The following COL19A1 variants were observed in gnomAD, a reference collection of about 807,000 sequenced individuals.
The protein encoded by COL19A1 is collagen alpha-1(XIX) chain.
A neutral mutation model predicts 190.2 loss-of-function variants in COL19A1; 159 were observed. The observed-to-expected ratio is 0.84, with a 90% CI of 0.73 to 0.95. The LOEUF (loss-of-function observed/expected upper bound fraction) is 0.95. Ranked by LOEUF, COL19A1 falls within the 40% of genes least tolerant of loss-of-function variation. The probability of loss-of-function intolerance (pLI) is 0.00; values close to 1 mark genes in which losing one functional copy is unlikely to be tolerated. For missense variants in COL19A1, 1,418 were observed against 1,431.9 expected (o/e 0.99, Z 0.16); for synonymous variants, 509 against 458.9 (o/e 1.11, Z -1.39).
chr6:70,045,542 A>G (rs1779863397), intron 14 of COL19A1, among the ~76,000 whole-genome samples: 1 of 152,156 alleles, frequency 6.6e-6, no homozygotes, highest in South Asian at 2.1e-4. Flanking sequence ...CAGGCAGTTA[A>G]ATTGGCTTGA....
intron 1 of COL19A1, among the ~76,000 whole-genome samples, chr6:69,874,823 G>A (rs1367789499): frequency 6.6e-6 from 1 of 152,114 alleles, no homozygotes; most frequent in Non-Finnish European, 1.5e-5. Context: ...AAGATTATAA[G>A]ATCTTGTAAT....
chr6:70,008,966 A>C (rs548546349), intron 11 of COL19A1, among the ~76,000 whole-genome samples: 11 of 152,166 alleles, frequency 7.2e-5, no homozygotes, highest in African/African-American at 2.4e-4. Flanking sequence ...TTCAAAATTC[A>C]ATACCCATTC....
At chr6:69,872,887 A>G (rs1445242238) in intron 1 of COL19A1, among the ~76,000 whole-genome samples, 1 of 152,216 alleles carries the variant, frequency 6.6e-6, no homozygotes, top group African/African-American at 2.4e-5. Flanking sequence ...ATCTTGATAG[A>G]AATAGCTGAA....
intron 49 of COL19A1, 53 bp from the exon 50 acceptor site, chr6:70,206,848 T>C (rs1767894939): frequency 6.7e-7 from 1 of 1,492,276 alleles, no homozygotes; most frequent in Non-Finnish European, 9.2e-7. Flanking sequence ...CTCTGTGCTG[T>C]GTTGCCATAG....
chr6:69,974,989 A>G (rs536021596), intron 11 of COL19A1, among the ~76,000 whole-genome samples: 46 of 151,134 alleles, frequency 3.0e-4, no homozygotes, highest in Admixed American at 9.9e-4. Context: ...ATTTTTTTGT[A>G]TTTTTAGTGG....
intron 11 of COL19A1, among the ~76,000 whole-genome samples, chr6:69,985,504 C>T (rs780402728): frequency 6.6e-6 from 1 of 151,830 alleles, no homozygotes; most frequent in Non-Finnish European, 1.5e-5. Flanking sequence ...AAAATTAGGA[C>T]CACTTTAAAA....
intron 15 of COL19A1, among the ~76,000 whole-genome samples, chr6:70,090,946 C>T (rs1782887010): frequency 1.3e-5 from 2 of 152,146 alleles, no homozygotes. Context: ...CCTGGATGCA[C>T]CTGGATGCTC....
intron 7 of COL19A1, among the ~76,000 whole-genome samples, chr6:69,935,774 T>C (rs1183701504): frequency 6.6e-6 from 1 of 152,036 alleles, no homozygotes; most frequent in Admixed American, 6.6e-5. Flanking sequence ...GATGTGCAGG[T>C]TTGTTACATA....
At chr6:70,175,914 A>C (rs1223380127) in intron 41 of COL19A1, among the ~76,000 whole-genome samples, 1 of 152,168 alleles carries the variant, frequency 6.6e-6, no homozygotes, top group Non-Finnish European at 1.5e-5. Context: ...GCCCCCAAAA[A>C]TTGCCATTTT....
At chr6:69,951,428 T>C (rs1312105135) in intron 9 of COL19A1, among the ~76,000 whole-genome samples, 1 of 151,938 alleles carries the variant, frequency 6.6e-6, no homozygotes, top group Non-Finnish European at 1.5e-5. Context: ...AGCCTTACTG[T>C]GGGACCAGAT....
chr6:69,936,819 C>A lies in COL19A1; in HGVS notation c.782C>A (p.Ser261Ter). 1 of 1,613,126 alleles carries A rather than the reference C, an allele frequency of 6.2e-7. No individual in the cohort carries two copies. Reference protein sequence around the residue: ...PEQDGFGNIASSWVTAHASKM... With the variant: ...PEQDGFGNIA ...CAGGATGGCTTTGGAAATATTGCAT[C>A]ATCATGGGTAACTGCTCATGCCAGT... is the stretch of plus-strand genomic sequence containing the variant. Residue 261 changes from serine (S) to a stop codon, truncating the protein, a stop_gained, in exon 8 of 51, where the codon TCA (serine) becomes TAA (stop). Coordinates refer to ENST00000620364, the MANE Select transcript of COL19A1 (RefSeq NM_001858.6). LOFTEE classifies it high-confidence loss of function.
intron 11 of COL19A1, among the ~76,000 whole-genome samples, chr6:70,008,408 A>C (rs1040965838): frequency 2.0e-5 from 3 of 151,986 alleles, no homozygotes; most frequent in Admixed American, 1.3e-4. Context: ...AATATTATCA[A>C]TGAGTTTAGG....
At position 70,140,947 on chromosome 6, in the gene COL19A1, T is replaced by A. The variant is rs1562212386; in HGVS notation, c.1447-7T>A. 2 of 1,610,342 alleles carry A rather than the reference T, an allele frequency of 1.2e-6. No homozygotes were observed. Among genetic ancestry groups the A allele is most frequent in the Admixed American group, 1.7e-5 (1 of 59,794 alleles). ...GTTTAATTCTATTTTCTACCCCTTC[T>A]CCTTAGGGAGAGCCTTTTACAAAAG... On this transcript the variant is annotated splice_polypyrimidine_tract_variant and splice_region_variant and intron_variant, in intron 19 of 50. Coordinates refer to ENST00000620364, the MANE Select transcript of COL19A1 (RefSeq NM_001858.6).
chr6:70,051,050 T>G (rs892345495), intron 14 of COL19A1, among the ~76,000 whole-genome samples: 1 of 152,170 alleles, frequency 6.6e-6, no homozygotes, highest in Non-Finnish European at 1.5e-5. Flanking sequence ...AGGATGTTGT[T>G]AAGGTCATTT....
chr6:70,145,371 C>T (rs1274787534), intron 25 of COL19A1, among the ~76,000 whole-genome samples: 1 of 152,098 alleles, frequency 6.6e-6, no homozygotes, highest in Non-Finnish European at 1.5e-5. Flanking sequence ...ATGTCCTTTG[C>T]AGCAACATGG....
chr6:70,081,371 TCAA>T (rs764988244), intron 15 of COL19A1, among the ~76,000 whole-genome samples: 1 of 152,188 alleles, frequency 6.6e-6, no homozygotes, highest in African/African-American at 2.4e-5. Flanking sequence ...CACATCATTT[TCAA>T]CAACAAGGCA....
chr6:69,879,847 T>G (rs1201967352), intron 2 of COL19A1, 189 bp downstream of exon 2: 1 of 599,278 alleles, frequency 1.7e-6, no homozygotes, highest in Non-Finnish European at 2.9e-6. Context: ...ACCTCATTTT[T>G]TTCATACGCA....
chr6:70,112,668 A>G (rs982202556), intron 16 of COL19A1, among the ~76,000 whole-genome samples: 1 of 152,188 alleles, frequency 6.6e-6, no homozygotes, highest in Non-Finnish European at 1.5e-5. Context: ...GCTTCCTAGC[A>G]TAATTTAGAA....
chr6:69,968,172 CTTT>C (rs548184578), intron 11 of COL19A1, among the ~76,000 whole-genome samples: 34 of 152,034 alleles, frequency 2.2e-4, no homozygotes, highest in Admixed American at 1.4e-3. Context: ...TCAGTGGTTA[CTTT>C]TGAAGATGTG....
Sources: gnomAD v4.1 joint callset for allele counts (sites outside exome capture counted in the v4.1 genomes callset) on GRCh38, gnomAD v4.1.1 for gene constraint, MANE v1.5 for transcripts, NCBI Gene and HGNC (gene_info 2026-07-23, HGNC 2026-07-21) for gene names.